OSBPL6: variants seen among roughly 807,000 people sequenced by gnomAD.
The protein encoded by OSBPL6 is oxysterol-binding protein-related protein 6.
OSBPL6 carries 49 observed loss-of-function variants against 125.8 expected under a neutral mutation model. That is an observed-to-expected ratio of 0.39 (90% CI 0.31 to 0.49). The LOEUF is 0.49. Ranked by LOEUF, OSBPL6 falls within the 20% of genes least tolerant of loss-of-function variation. The pLI, the probability that OSBPL6 is intolerant of heterozygous loss-of-function variation, is 0.88. For missense variants in OSBPL6, 986 were observed against 1,135.4 expected (o/e 0.87, Z 1.89); for synonymous variants, 394 against 391.8 (o/e 1.01, Z -0.07).
rs754331526 is a variant in OSBPL6, at chr2:178,374,077, TGAGTTA to T, written c.1533+51_1533+56del. ...GGCCTCAACATCTTGTGACTGAGTT[TGAGTTA>T]AAGAACATAAAACTGTGGAACTTTT... On this transcript the variant is annotated intron_variant, in intron 15 of 24. Coordinates refer to ENST00000190611, the MANE Select transcript of OSBPL6 (RefSeq NM_032523.4). The T allele has an allele frequency of 8.8e-6, 14 of 1,582,696 alleles. 1 individual carries two copies. In the African/African-American group the frequency reaches 1.8e-4, roughly 20 times the overall value.
chr2:178,210,586 C>A (rs2089800941), intron 1 of OSBPL6, among the ~76,000 whole-genome samples: 1 of 151,908 alleles, frequency 6.6e-6, no homozygotes, highest in African/African-American at 2.4e-5. Flanking sequence ...GGCGGCAAAT[C>A]ACTTGAGGTC....
intron 1 of OSBPL6, among the ~76,000 whole-genome samples, chr2:178,266,443 C>T (rs1436643664): frequency 9.9e-5 from 15 of 152,152 alleles, no homozygotes; most frequent in Admixed American, 9.8e-4. Flanking sequence ...TGCCTTTGAA[C>T]AGTGAAAGAA....
At chr2:178,250,111 G>C (rs1203163796) in intron 1 of OSBPL6, among the ~76,000 whole-genome samples, 1 of 152,188 alleles carries the variant, frequency 6.6e-6, no homozygotes, top group Non-Finnish European at 1.5e-5. Context: ...TGCTAACACA[G>C]AAGTTAGTAA....
In OSBPL6 at chr2:178,332,933, T is replaced by C; in HGVS notation, c.549T>C (p.Arg183=). Residue 183 remains arginine, a synonymous_variant, in exon 8 of 25, where the codon CGT becomes CGC. Coordinates refer to ENST00000190611, the MANE Select transcript of OSBPL6 (RefSeq NM_032523.4). ...VSKLRHHRLY[R]QNEIVRSPRD... ...AACTGCGACATCATCGGTTGTATCG[T>C]CAGAATGAAATTGTGAGATCACCAA... is the stretch of plus-strand genomic sequence containing the variant. The C allele has an allele frequency of 2.5e-5, 40 of 1,614,216 alleles. No homozygotes were observed. The highest frequency in any genetic ancestry group is 3.4e-5 in the Non-Finnish European group (40 of 1,180,018).
At chr2:178,338,567 A>G (rs1487187117) in intron 9 of OSBPL6, among the ~76,000 whole-genome samples, 1 of 152,150 alleles carries the variant, frequency 6.6e-6, no homozygotes, top group Admixed American at 6.5e-5. Flanking sequence ...ATTCCGTCCT[A>G]TTTTTCTGAA....
At chr2:178,344,246 C>G (rs1559271210) in intron 11 of OSBPL6, 4 of 1,530,500 alleles carry the variant, frequency 2.6e-6, no homozygotes, top group South Asian at 2.2e-5. Context: ...TTTCCTCCCC[C>G]GTCCTGTGTT....
At chr2:178,390,247 C>A (rs1695284901) in intron 21 of OSBPL6, among the ~76,000 whole-genome samples, 1 of 152,218 alleles carries the variant, frequency 6.6e-6, no homozygotes, top group Non-Finnish European at 1.5e-5. Context: ...CAGGTTGGAC[C>A]CTTCAGAACT....
chr2:178,207,775 C>T (rs867561515), intron 1 of OSBPL6, among the ~76,000 whole-genome samples: 4 of 152,094 alleles, frequency 2.6e-5, no homozygotes, highest in African/African-American at 7.2e-5. Flanking sequence ...TTGAAAGAAA[C>T]TTGAGGGAGG....
intron 11 of OSBPL6, among the ~76,000 whole-genome samples, chr2:178,340,035 A>C (rs1690066451): frequency 6.6e-6 from 1 of 152,166 alleles, no homozygotes; most frequent in African/African-American, 2.4e-5. Flanking sequence ...TGAACCATTA[A>C]AATATATTTT....
intron 8 of OSBPL6, among the ~76,000 whole-genome samples, chr2:178,334,995 G>C (rs939625806): frequency 6.6e-6 from 1 of 152,182 alleles, no homozygotes; most frequent in Non-Finnish European, 1.5e-5. Flanking sequence ...AGATGCCCAA[G>C]ATAGTGCCGA....
At chr2:178,217,365 C>T (rs951843664) in intron 1 of OSBPL6, among the ~76,000 whole-genome samples, 2 of 152,130 alleles carry the variant, frequency 1.3e-5, no homozygotes, top group African/African-American at 4.8e-5. Context: ...CATGAATGAT[C>T]CTGAACTGAA....
chr2:178,278,712 A>G (rs1217374470), intron 1 of OSBPL6, among the ~76,000 whole-genome samples: 2 of 152,200 alleles, frequency 1.3e-5, no homozygotes, highest in Non-Finnish European at 2.9e-5. Flanking sequence ...CACTTAAACT[A>G]TATTCTCCAG....
chr2:178,248,442 T>C (rs1195558103), intron 1 of OSBPL6, among the ~76,000 whole-genome samples: 1 of 152,228 alleles, frequency 6.6e-6, no homozygotes, highest in Non-Finnish European at 1.5e-5. Flanking sequence ...TCCTGTGATT[T>C]TTTTTTCTTG....
intron 1 of OSBPL6, among the ~76,000 whole-genome samples, chr2:178,206,680 T>C (rs1015353918): frequency 6.6e-6 from 1 of 152,158 alleles, no homozygotes; most frequent in East Asian, 1.9e-4. Context: ...AGTGGCACGA[T>C]CTCGGCTCAC....
At position 178,396,132 on chromosome 2, in the gene OSBPL6, CA is replaced by C. The variant is rs1367254192; in HGVS notation, c.*575del. 1 of 169,240 alleles carries C rather than the reference CA, an allele frequency of 5.9e-6. No homozygotes were observed. Among genetic ancestry groups the C allele is most frequent in the Non-Finnish European group, 1.3e-5 (1 of 76,836 alleles). The allele number at this position is 169,240 out of a possible 1,614,324, so 10.5% of individuals were successfully genotyped here. On this transcript the variant is annotated 3_prime_UTR_variant, in exon 25 of 25. Coordinates refer to ENST00000190611, the MANE Select transcript of OSBPL6 (RefSeq NM_032523.4). ...ATGCCTTAAGAAATGCAAAGATGTA[CA>C]ATAAATCATTTTTAAAATGTGTGCT...
chr2:178,271,903 C>T (rs1574702788), intron 1 of OSBPL6, among the ~76,000 whole-genome samples: 1 of 152,158 alleles, frequency 6.6e-6, no homozygotes, highest in East Asian at 1.9e-4. Flanking sequence ...AGAAAATTTC[C>T]CATTAGCACA....
chr2:178,295,547 T>A (rs1685671976), intron 2 of OSBPL6, among the ~76,000 whole-genome samples: 1 of 152,176 alleles, frequency 6.6e-6, no homozygotes, highest in African/African-American at 2.4e-5. Context: ...CATGAAAGCT[T>A]TGCAGAGCAC....
intron 2 of OSBPL6, among the ~76,000 whole-genome samples, chr2:178,305,784 A>G (rs1302987111): frequency 6.6e-6 from 1 of 151,946 alleles, no homozygotes; most frequent in African/African-American, 2.4e-5. Flanking sequence ...AACAAAGAAA[A>G]TGCAAGAGGA....
rs553326961 is a variant in OSBPL6 at position 178,239,556 on chromosome 2, C to G, written c.-351+44882C>G. On this transcript the variant is annotated intron_variant, in intron 1 of 24. Transcript: ENST00000190611. ...CAAAAAAATAAAATAACAGTGAGAC[C>G]CCTGTTCTAAGATATTATTAATTTA... Among the ~76,000 whole-genome samples, 4 of 151,410 alleles carry G rather than the reference C, an allele frequency of 2.6e-5. No individual in the cohort carries two copies. The East Asian group carries it at 7.7e-4, about 29-fold the overall frequency.
Sources: allele counts gnomAD v4.1 joint callset (sites outside exome capture counted in the v4.1 genomes callset), GRCh38; gene constraint gnomAD v4.1.1; transcripts MANE v1.5; gene names NCBI Gene and HGNC (gene_info 2026-07-23, HGNC 2026-07-21).